FSHR: variants seen among roughly 807,000 people sequenced by gnomAD.
FSHR encodes follicle-stimulating hormone receptor.
FSHR carries 46 observed loss-of-function variants against 52.1 expected under a neutral mutation model. That is an observed-to-expected ratio of 0.88 (90% CI 0.70 to 1.13). The LOEUF (loss-of-function observed/expected upper bound fraction) is 1.13. FSHR is among the 50% of genes most tolerant of loss of function. The probability of loss-of-function intolerance (pLI) is 0.00; values close to 1 mark genes in which losing one functional copy is unlikely to be tolerated. For synonymous variants in FSHR, 399 were observed against 309.6 expected, an observed-to-expected ratio of 1.29 and a Z score of -3.03; for missense variants, 964 against 834.6, an observed-to-expected ratio of 1.16 and a Z score of -1.91.
At chr2:49,148,412 A>G (rs1672945335) in intron 1 of FSHR, among the ~76,000 whole-genome samples, 2 of 152,050 alleles carry the variant, frequency 1.3e-5, no homozygotes, top group South Asian at 4.1e-4. Flanking sequence ...CTTTTATAAG[A>G]ATTCTTTATT....
chr2:48,981,918 C>A (rs1431643323), intron 8 of FSHR, among the ~76,000 whole-genome samples: 1 of 152,148 alleles, frequency 6.6e-6, no homozygotes, highest in African/African-American at 2.4e-5. Context: ...TTAAGGCAGG[C>A]TACATAAGGA....
chr2:49,027,605 T>A (rs1667951501), intron 2 of FSHR, among the ~76,000 whole-genome samples: 1 of 152,094 alleles, frequency 6.6e-6, no homozygotes, highest in Non-Finnish European at 1.5e-5. Context: ...ATCCCAGCAC[T>A]TTGGGAGGCC....
At chr2:49,059,752 A>G (rs1276036291) in intron 2 of FSHR, 1 of 152,214 alleles carries the variant, frequency 6.6e-6, no homozygotes, top group Non-Finnish European at 1.5e-5. Flanking sequence ...TCCAAAAATG[A>G]TAAAACTGCA....
intron 8 of FSHR, among the ~76,000 whole-genome samples, chr2:48,973,451 T>C (rs1674837234): frequency 6.6e-6 from 1 of 152,134 alleles, no homozygotes; most frequent in Non-Finnish European, 1.5e-5. Flanking sequence ...GTGAGCAAAA[T>C]GGAATGGTTG....
rs538711803 is a variant in FSHR at position 49,089,299 on chromosome 2, C to G, written c.153-21009G>C. Among the ~76,000 whole-genome samples the G allele has an allele frequency of 2.6e-5, 4 of 152,092 alleles. No homozygotes were observed. In the South Asian group the frequency reaches 8.3e-4, roughly 32 times the overall value. The stretch of plus-strand genomic sequence containing the variant: ...ATTTTCTTTTCAGCATTGTTTCTTT[C>G]AAATATGAACCAGAGATTTTTACCA... On this transcript the variant is annotated intron_variant, in intron 1 of 9. Transcript: ENST00000406846.
At chr2:49,011,503 C>G (rs1204947128) in intron 4 of FSHR, among the ~76,000 whole-genome samples, 1 of 152,192 alleles carries the variant, frequency 6.6e-6, no homozygotes, top group South Asian at 2.1e-4. Flanking sequence ...AATATATATT[C>G]TGTTGATTTG....
At chr2:49,117,714 T>C (rs2055572) in intron 1 of FSHR, among the ~76,000 whole-genome samples, 72,290 of 152,072 alleles carry the variant, frequency 0.48, 18,128 homozygotes, top group East Asian at 0.7. Context: ...TTTTAACCTC[T>C]TCACTCCTGC....
intron 9 of FSHR, 84 bp downstream of exon 9, chr2:48,968,614 T>G: frequency 6.7e-7 from 1 of 1,502,884 alleles, no homozygotes; most frequent in Non-Finnish European, 9.2e-7. Context: ...AAGTAGATTC[T>G]CTTCATGTCA....
At chr2:49,011,421 C>T (rs1312350621) in intron 4 of FSHR, among the ~76,000 whole-genome samples, 2 of 151,992 alleles carry the variant, frequency 1.3e-5, no homozygotes, top group African/African-American at 4.8e-5. Flanking sequence ...TGTTCTTTTA[C>T]ATTTGTTGAG....
At chr2:49,146,265 G>A (rs1672865761) in intron 1 of FSHR, among the ~76,000 whole-genome samples, 1 of 152,032 alleles carries the variant, frequency 6.6e-6, no homozygotes, top group Non-Finnish European at 1.5e-5. Context: ...CCAACATTTT[G>A]TAAGCTTTCT....
At chr2:49,073,113 A>G (rs888877326) in intron 1 of FSHR, among the ~76,000 whole-genome samples, 10 of 152,188 alleles carry the variant, frequency 6.6e-5, no homozygotes, top group Admixed American at 5.9e-4. Flanking sequence ...TTAACATCTT[A>G]TGGATGCTTT....
chr2:49,020,263 C>T (rs1667641070), intron 2 of FSHR, 103 bp from the exon 3 acceptor site: 2 of 961,234 alleles, frequency 2.1e-6, no homozygotes, highest in Non-Finnish European at 3.4e-6. Flanking sequence ...TCACAAGACA[C>T]ACAAAACTCC....
chr2:49,078,702 GT>G (rs1572714264), intron 1 of FSHR, among the ~76,000 whole-genome samples: 1 of 151,936 alleles, frequency 6.6e-6, no homozygotes, highest in Non-Finnish European at 1.5e-5. Context: ...CACAATAAAA[GT>G]TTTTAAGAAA....
chr2:48,999,102 C>T (rs17038027), intron 4 of FSHR, among the ~76,000 whole-genome samples: 10,172 of 151,996 alleles, frequency 0.067, 456 homozygotes, highest in South Asian at 0.17. Flanking sequence ...GGAAAAGAAG[C>T]CTGTGTGATT....
chr2:49,012,625 C>G (rs1206560697), intron 4 of FSHR, among the ~76,000 whole-genome samples: 1 of 152,098 alleles, frequency 6.6e-6, no homozygotes, highest in Non-Finnish European at 1.5e-5. Context: ...TTGTAATCTC[C>G]TGCTTCAGTG....
At chr2:49,036,017 CT>C (rs1668259866) in intron 2 of FSHR, among the ~76,000 whole-genome samples, 1 of 152,198 alleles carries the variant, frequency 6.6e-6, no homozygotes, top group Non-Finnish European at 1.5e-5. Context: ...CCCTTTCTTT[CT>C]TCTCAAACCC....
At chr2:49,011,699 T>A (rs1667280481) in intron 4 of FSHR, among the ~76,000 whole-genome samples, 1 of 152,080 alleles carries the variant, frequency 6.6e-6, no homozygotes, top group Non-Finnish European at 1.5e-5. Context: ...GTTAAGCCGA[T>A]TATACAAGCT....
intron 2 of FSHR, among the ~76,000 whole-genome samples, chr2:49,044,231 T>C (rs1668578211): frequency 6.6e-6 from 1 of 152,192 alleles, no homozygotes. Context: ...TGCTGTTTTT[T>C]TCTGATTATA....
At position 49,024,453 on chromosome 2, in the gene FSHR, G is replaced by A. The variant is rs115842105; in HGVS notation, c.225-4293C>T. 4.6e-3 allele frequency among the ~76,000 whole-genome samples: 698 copies of A among 152,060 alleles called. 1 individual carries two copies. Among genetic ancestry groups the A allele is most frequent in the Non-Finnish European group, 8.0e-3 (542 of 67,956 alleles). ...GTCATGCGTGGTGGTGCATGCCTGT[G>A]CTCCCAGCTACTCAGGAGGTTGAGG... On this transcript the variant is annotated intron_variant, in intron 2 of 9. Transcript: ENST00000406846.
Sources: allele counts gnomAD v4.1 joint callset (sites outside exome capture counted in the v4.1 genomes callset), GRCh38; gene constraint gnomAD v4.1.1; transcripts MANE v1.5; gene names NCBI Gene and HGNC (gene_info 2026-07-23, HGNC 2026-07-21).